Variants in TAFA2 observed in about 807,000 individuals in gnomAD.
The protein encoded by TAFA2 is TAFA chemokine like family member 2.
Under a neutral mutation model 18.8 loss-of-function variants are expected in TAFA2, and 7 were observed. The ratio of observed to expected loss-of-function variants is 0.37; its 90% confidence interval spans 0.21 to 0.70. The LOEUF is 0.70. Ranked by LOEUF, TAFA2 falls within the 30% of genes least tolerant of loss-of-function variation. The pLI is 0.53. For missense variants in TAFA2, 122 were observed against 158.1 expected, an observed-to-expected ratio of 0.77 and a Z score of 1.23; for synonymous variants, 60 against 54.2, an observed-to-expected ratio of 1.11 and a Z score of -0.47.
chr12:62,029,874 A>C (rs1267829308), intron 1 of TAFA2, among the ~76,000 whole-genome samples: 1 of 151,332 alleles, frequency 6.6e-6, no homozygotes. Context: ...CCCATGCAGG[A>C]CTCTAGAGAA....
At chr12:62,065,116 A>G (rs757338561) in intron 1 of TAFA2, among the ~76,000 whole-genome samples, 22 of 152,028 alleles carry the variant, frequency 1.4e-4, no homozygotes, top group Admixed American at 2.6e-4. Context: ...TTTTTCCTCC[A>G]AGGAATTTAG....
chr12:62,252,949 G>A (rs961487730), intron 1 of TAFA2: 2 of 152,166 alleles, frequency 1.3e-5, no homozygotes, highest in Non-Finnish European at 2.9e-5. Flanking sequence ...TAATCAAGAT[G>A]AATCATTCAT....
At chr12:62,198,140 T>A (rs2136966052) in intron 1 of TAFA2, 1 of 151,638 alleles carries the variant, frequency 6.6e-6, no homozygotes, top group Admixed American at 6.6e-5. Flanking sequence ...TTACCTCAAA[T>A]CCCCACAACA....
intron 1 of TAFA2, among the ~76,000 whole-genome samples, chr12:61,904,217 ACTGTG>A (rs1438931058): frequency 1.3e-5 from 2 of 152,138 alleles, no homozygotes; most frequent in Non-Finnish European, 2.9e-5. Context: ...GGGTCCTCAG[ACTGTG>A]CAGCCACCGT....
At chr12:62,193,320 A>C (rs2062635536), upstream of TAFA2, among the ~76,000 whole-genome samples, 1 of 152,176 alleles carries the variant, frequency 6.6e-6, no homozygotes, top group African/African-American at 2.4e-5. Flanking sequence ...ATAACTCAAG[A>C]ATCTGGTTTT....
chr12:61,797,144 A>T (rs1284773240), intron 2 of TAFA2, among the ~76,000 whole-genome samples: 2 of 152,216 alleles, frequency 1.3e-5, no homozygotes, highest in Non-Finnish European at 2.9e-5. Flanking sequence ...AATTGGTTGT[A>T]GAATGGTTAA....
intron 1 of TAFA2, among the ~76,000 whole-genome samples, chr12:61,946,374 T>G (rs1435498975): frequency 1.5e-5 from 2 of 134,582 alleles, no homozygotes; most frequent in African/African-American, 2.8e-5. Flanking sequence ...ACCTAGGCAT[T>G]ACCATTCAGG....
At chr12:61,823,794 C>T (rs1325011795) in intron 2 of TAFA2, among the ~76,000 whole-genome samples, 1 of 151,988 alleles carries the variant, frequency 6.6e-6, no homozygotes, top group African/African-American at 2.4e-5. Flanking sequence ...GAGGAGAGTG[C>T]CCATAGAATA....
intron 1 of TAFA2, among the ~76,000 whole-genome samples, chr12:62,254,033 G>A (rs1159792282): frequency 6.6e-6 from 1 of 152,206 alleles, no homozygotes; most frequent in Non-Finnish European, 1.5e-5. Context: ...AAAAGACTGA[G>A]TAAAGCTACA....
chr12:62,073,480 A>G (rs1163349269), intron 1 of TAFA2, among the ~76,000 whole-genome samples: 3 of 150,672 alleles, frequency 2.0e-5, no homozygotes, highest in Non-Finnish European at 3.0e-5. Context: ...GTGTTATATT[A>G]TAGGTAGGTG....
chr12:61,747,679 C>G (rs1868790007), intron 4 of TAFA2, among the ~76,000 whole-genome samples: 1 of 144,294 alleles, frequency 6.9e-6, no homozygotes, highest in African/African-American at 2.6e-5. Flanking sequence ...ATCACATGGA[C>G]ACAGGAAGGG....
intron 2 of TAFA2, among the ~76,000 whole-genome samples, chr12:61,756,175 C>T (rs1414814537): frequency 2.0e-5 from 3 of 152,020 alleles, no homozygotes; most frequent in African/African-American, 4.8e-5. Flanking sequence ...GAGCAAATCA[C>T]ACATATTTCC....
intron 1 of TAFA2, among the ~76,000 whole-genome samples, chr12:61,998,372 C>T (rs1209278639): frequency 1.3e-5 from 2 of 152,110 alleles, no homozygotes; most frequent in Non-Finnish European, 2.9e-5. Context: ...AACTCCTCCC[C>T]TTACCCTCAT....
rs548852056 is a variant in TAFA2, at chr12:62,076,793, C to T, written c.-2+114466G>A. The stretch of plus-strand genomic sequence containing the variant: ...GAAAGATATAATTGATTTCTTATCA[C>T]GCAAATATCTTCATGGGTTCATATT... On this transcript the variant is annotated intron_variant, in intron 1 of 4. Coordinates refer to ENST00000416284, the MANE Select transcript of TAFA2 (RefSeq NM_178539.5). Among the ~76,000 whole-genome samples the T allele has an allele frequency of 1.4e-4, 22 of 152,304 alleles. No individual in the cohort carries two copies. In the South Asian group the frequency reaches 3.1e-3, roughly 21 times the overall value.
intron 1 of TAFA2, among the ~76,000 whole-genome samples, chr12:62,003,578 C>A (rs1446779272): frequency 6.6e-6 from 1 of 152,182 alleles, no homozygotes; most frequent in Non-Finnish European, 1.5e-5. Context: ...CAGCCTGGTA[C>A]TCCCAATCCT....
intron 2 of TAFA2, among the ~76,000 whole-genome samples, chr12:61,836,718 A>C (rs1872933152): frequency 1.0e-5 from 1 of 96,588 alleles, no homozygotes; most frequent in Non-Finnish European, 2.4e-5. Context: ...AGTATTTAGA[A>C]TTGTTGCCAA....
intron 1 of TAFA2, chr12:62,255,384 AT>A (rs1309137562): frequency 6.6e-6 from 1 of 152,234 alleles, no homozygotes. Context: ...CCTTGATTTT[AT>A]CTATATCACT....
At chr12:62,110,074 C>G (rs11174326) in intron 1 of TAFA2, among the ~76,000 whole-genome samples, 22,933 of 152,052 alleles carry the variant, frequency 0.15, 1,839 homozygotes, top group East Asian at 0.31. Flanking sequence ...AAAGGTAATG[C>G]TCCAGCTTTT....
chr12:62,214,257 A>G (rs1337124409), intron 1 of TAFA2, among the ~76,000 whole-genome samples: 1 of 152,132 alleles, frequency 6.6e-6, no homozygotes. Flanking sequence ...GTGGGAGGTA[A>G]TTGAATTACG....
Sources: allele counts gnomAD v4.1 joint callset (sites outside exome capture counted in the v4.1 genomes callset), GRCh38; gene constraint gnomAD v4.1.1; transcripts MANE v1.5; gene names NCBI Gene and HGNC (gene_info 2026-07-23, HGNC 2026-07-21).